The following SORL1 variants were observed in gnomAD, a reference collection of about 807,000 sequenced individuals.
SORL1 encodes sortilin related receptor 1.
In SORL1, 127 loss-of-function variants were observed where a neutral mutation model predicts 273.7. The observed-to-expected ratio is 0.46, with a 90% CI of 0.40 to 0.54. SORL1 has a LOEUF of 0.54. Ranked by LOEUF, SORL1 falls within the 20% of genes least tolerant of loss-of-function variation. The pLI is 0.00. For missense variants in SORL1, 2,494 were observed against 2,846.1 expected, an observed-to-expected ratio of 0.88 and a Z score of 2.81; for synonymous variants, 1,031 against 1,067.4, an observed-to-expected ratio of 0.97 and a Z score of 0.66.
rs999212837 is a variant in SORL1, at chr11:121,460,154, CT to C, written c.285+7541del. On this transcript the variant is annotated intron_variant, in intron 1 of 47. Transcript: ENST00000260197. ...AATATGTTGTTTATTATCTCCCCCC[CT>C]TTCTGGGGGTTTTTTAAATGAAGAA... Among the ~76,000 whole-genome samples, 14 of 152,270 alleles carry C rather than the reference CT, an allele frequency of 9.2e-5. No individual in the cohort carries two copies. In the East Asian group the frequency reaches 2.5e-3, roughly 27 times the overall value.
chr11:121,512,742 G>C (rs1318885209), intron 6 of SORL1, among the ~76,000 whole-genome samples: 1 of 152,150 alleles, frequency 6.6e-6, no homozygotes, highest in Non-Finnish European at 1.5e-5. Flanking sequence ...TCTAGTCCAA[G>C]TTCTACCATC....
In SORL1 at chr11:121,619,775, A is replaced by G; in HGVS notation, c.5747A>G (p.Gln1916Arg). Reference protein sequence around the residue: ...LFLVRVVVPYQGPSSDYVVVK... With the variant: ...LFLVRVVVPYRGPSSDYVVVK... ...CAGGTCCGTGTAGTGGTACCCTACCAGGGGCCATCCTCTGACTACGTTGTA... is the reference window on the plus strand; with the variant it reads ...CAGGTCCGTGTAGTGGTACCCTACCGGGGGCCATCCTCTGACTACGTTGTA... The change falls in exon 43 of 48, where the codon CAG (glutamine) becomes CGG (arginine). Residue 1916 changes from glutamine to arginine, a missense_variant. Coordinates refer to ENST00000260197, the MANE Select transcript of SORL1 (RefSeq NM_003105.6). 6.2e-7 allele frequency: 1 copy of G among 1,614,172 alleles called. No homozygotes were observed. Among genetic ancestry groups the G allele is most frequent in the Non-Finnish European group, 8.5e-7 (1 of 1,180,014 alleles).
intron 6 of SORL1, among the ~76,000 whole-genome samples, chr11:121,502,122 TTC>T (rs1861718588): frequency 3.0e-5 from 4 of 132,072 alleles, no homozygotes; most frequent in Admixed American, 8.1e-5. Flanking sequence ...CATGTGACAA[TTC>T]TTTTTTTTTT....
At chr11:121,486,528 G>A (rs1861474781) in intron 3 of SORL1, among the ~76,000 whole-genome samples, 1 of 148,250 alleles carries the variant, frequency 6.7e-6, no homozygotes, top group Non-Finnish European at 1.5e-5. Context: ...CGCCCAGGCT[G>A]GAGTGTAGTG....
intron 1 of SORL1, among the ~76,000 whole-genome samples, chr11:121,455,264 G>A (rs1387984782): frequency 3.3e-5 from 5 of 152,172 alleles, no homozygotes; most frequent in East Asian, 1.9e-4. Context: ...GTGTGATAAC[G>A]GGCTGTGTGA....
At position 121,452,783 on chromosome 11, in the gene SORL1, G is replaced by A. The variant is rs1322865974; in HGVS notation, c.285+167G>A. On this transcript the variant is annotated intron_variant, in intron 1 of 47. Coordinates refer to ENST00000260197, the MANE Select transcript of SORL1 (RefSeq NM_003105.6). The surrounding 1 kb of genome is among the most constrained non-coding windows in gnomAD (Gnocchi z 5.3). ...GAGTACAACCGTCAGCACTTGAATC[G>A]CATTGATCTTTCCTTCTTCCTGTCG... 4 of 548,294 alleles carry A rather than the reference G, an allele frequency of 7.3e-6. No individual in the cohort carries two copies. The highest frequency in any genetic ancestry group is 4.3e-5 in the Admixed American group (1 of 23,284). 34.0% of individuals were successfully genotyped at this position (548,294 alleles called of 1,614,324 possible). A position where few individuals can be genotyped will look rare whatever the true frequency, so the allele number is the denominator to read the frequency against.
At chr11:121,533,439 G>A (rs1862229133) in intron 12 of SORL1, among the ~76,000 whole-genome samples, 1 of 152,104 alleles carries the variant, frequency 6.6e-6, no homozygotes, top group Admixed American at 6.5e-5. Context: ...AAGCAAAACT[G>A]TCAAGAGTTT....
chr11:121,582,313 T>C (rs76994404), intron 25 of SORL1, among the ~76,000 whole-genome samples: 1,886 of 152,362 alleles, frequency 0.012, 34 homozygotes, highest in African/African-American at 0.043. Context: ...TAGAAAACTA[T>C]AGTTTGCTCT....
chr11:121,558,785 G>T lies in SORL1; in HGVS notation c.2858G>T (p.Arg953Leu). ...CGGATCACGTTCAGTGGCCAGCAGC[G>T]CTCTGTCATTCTGGACAACCTCCCG... Reference protein sequence around the residue: ...IERITFSGQQRSVILDNLPHP... With the variant: ...IERITFSGQQLSVILDNLPHP... The change falls in exon 20 of 48, where the codon CGC becomes CTC. Residue 953 changes from arginine (R) to leucine (L), a missense_variant. Arg to Leu is a moderately radical substitution (Grantham distance 102, BLOSUM62 -2). This residue lies in a region of SORL1 where 1,609 missense variants were observed against 1,816.4 expected (regional missense o/e 0.89). Coordinates refer to ENST00000260197, the MANE Select transcript of SORL1 (RefSeq NM_003105.6). 1 of 1,614,116 alleles carries T rather than the reference G, an allele frequency of 6.2e-7. No individual in the cohort carries two copies.
intron 38 of SORL1, chr11:121,608,437 G>A: frequency 2.3e-6 from 1 of 429,282 alleles, no homozygotes; most frequent in Non-Finnish European, 4.2e-6. Flanking sequence ...AGGCCATCAT[G>A]CGCAGCCCTT....
At position 121,606,829 on chromosome 11, in the gene SORL1, T is replaced by G. The variant is rs1287417839; in HGVS notation, c.4949-16T>G. On this transcript the variant is annotated splice_polypyrimidine_tract_variant and intron_variant, in intron 35 of 47. Transcript: ENST00000260197. ...TATGCAGATGGGTTTTAACCTTGAG[T>G]TGACTCTTTTTCTAGTGCCAGATGC... 15 of 1,602,302 alleles carry G rather than the reference T, an allele frequency of 9.4e-6. No individual in the cohort carries two copies. Among genetic ancestry groups the G allele is most frequent in the Non-Finnish European group, 1.1e-5 (13 of 1,169,602 alleles).
intron 6 of SORL1, among the ~76,000 whole-genome samples, chr11:121,510,293 A>G (rs373473928): frequency 6.6e-6 from 1 of 152,372 alleles, no homozygotes; most frequent in Non-Finnish European, 1.5e-5. Flanking sequence ...GTTGCTGGTA[A>G]TAGACTAGAA....
At chr11:121,519,125 A>G (rs747567029) in intron 8 of SORL1, among the ~76,000 whole-genome samples, 1 of 151,100 alleles carries the variant, frequency 6.6e-6, no homozygotes, top group Non-Finnish European at 1.5e-5. Flanking sequence ...TTTTTGTATT[A>G]TTAATAGAGA....
chr11:121,556,632 A>G (rs1591325639), intron 18 of SORL1, among the ~76,000 whole-genome samples: 1 of 152,352 alleles, frequency 6.6e-6, no homozygotes, highest in Non-Finnish European at 1.5e-5. Flanking sequence ...TGTTGGTGCA[A>G]AATGGTGTCA....
intron 41 of SORL1, among the ~76,000 whole-genome samples, chr11:121,615,296 G>A (rs1863624244): frequency 6.6e-6 from 1 of 151,930 alleles, no homozygotes; most frequent in Non-Finnish European, 1.5e-5. Flanking sequence ...TGTCCCCTTT[G>A]CTTTTAGATC....
At chr11:121,620,012 C>G (rs765008960) in intron 43 of SORL1, 95 bp downstream of exon 43, 10 of 1,000,242 alleles carry the variant, frequency 1.0e-5, no homozygotes, top group Non-Finnish European at 1.5e-5. Context: ...GCAAGAAACA[C>G]AGGCCTGGTT....
chr11:121,581,799 A>G (rs1863019231), intron 25 of SORL1, among the ~76,000 whole-genome samples: 1 of 152,250 alleles, frequency 6.6e-6, no homozygotes, highest in South Asian at 2.1e-4. Flanking sequence ...TTTCAATTAA[A>G]AATGAAATGC....
chr11:121,482,127 A>T (rs1371738569), intron 3 of SORL1, among the ~76,000 whole-genome samples: 2 of 152,156 alleles, frequency 1.3e-5, no homozygotes, highest in African/African-American at 2.4e-5. Flanking sequence ...AGGACAGATG[A>T]TGTTTTGGAC....
At chr11:121,572,722 A>G (rs925909623) in intron 23 of SORL1, among the ~76,000 whole-genome samples, 1 of 152,086 alleles carries the variant, frequency 6.6e-6, no homozygotes, top group Non-Finnish European at 1.5e-5. Context: ...GGACACCGGG[A>G]TGCAGGAGGG....
Sources: gnomAD v4.1 joint callset for allele counts (sites outside exome capture counted in the v4.1 genomes callset) on GRCh38, gnomAD v4.1.1 for gene constraint, gnomAD v4.1.1 regional missense constraint, Gnocchi (gnomAD v3.1) non-coding constraint, MANE v1.5 for transcripts, NCBI Gene and HGNC (gene_info 2026-07-23, HGNC 2026-07-21) for gene names.